Variants in EYS observed in about 807,000 individuals in gnomAD.
EYS encodes the protein EGF-like photoreceptor maintenance factor.
In EYS, 250 loss-of-function variants were observed where a neutral mutation model predicts 282.1. The observed-to-expected ratio is 0.89, with a 90% CI of 0.80 to 0.98. The LOEUF (loss-of-function observed/expected upper bound fraction) is 0.98, where lower values mean the gene tolerates loss of function less well. Among genes scored for constraint, EYS ranks in the 50% least tolerant of loss-of-function variants. The pLI, the probability that EYS is intolerant of heterozygous loss-of-function variation, is 0.00. For missense variants in EYS, 4,016 were observed against 3,709.0 expected (o/e 1.08, Z -2.15); for synonymous variants, 1,355 against 1,282.9 (o/e 1.06, Z -1.20).
chr6:64,768,348 G>T (rs1754493865), intron 22 of EYS, among the ~76,000 whole-genome samples: 1 of 152,194 alleles, frequency 6.6e-6, no homozygotes, highest in African/African-American at 2.4e-5. Context: ...GATTTTTAAT[G>T]TTGCCTTCAT....
chr6:63,947,434 A>G lies in EYS; in HGVS notation c.7055+36949T>C, dbSNP rs191657762. Among the ~76,000 whole-genome samples, 43 of 152,192 alleles carry G rather than the reference A, an allele frequency of 2.8e-4. 1 individual carries two copies. The highest frequency in any genetic ancestry group is 6.8e-3 in the Middle Eastern group (2 of 294). ...ATTATTTTATATTATTACTCCTTAA[A>G]AATGATAAATAATTACTGCTATTAG... On this transcript the variant is annotated intron_variant, in intron 35 of 42. Coordinates refer to ENST00000503581, the MANE Select transcript of EYS (RefSeq NM_001142800.2).
At position 64,612,776 on chromosome 6, in the gene EYS, A is replaced by G. The variant is rs368466314; in HGVS notation, c.3684+4642T>C. On this transcript the variant is annotated intron_variant, in intron 24 of 42. Coordinates refer to ENST00000503581, the MANE Select transcript of EYS (RefSeq NM_001142800.2). ...TCATTAAACAAGAATAACTGTAGTAATATTAATCCTATCTAATCCTGTAAA... is the reference window on the plus strand; with the variant it reads ...TCATTAAACAAGAATAACTGTAGTAGTATTAATCCTATCTAATCCTGTAAA... Among the ~76,000 whole-genome samples, 998 of 152,260 alleles carry G rather than the reference A, an allele frequency of 6.6e-3. 7 individuals carry two copies. Among genetic ancestry groups the G allele is most frequent in the Non-Finnish European group, 0.011 (726 of 67,976 alleles).
intron 31 of EYS, among the ~76,000 whole-genome samples, chr6:64,200,028 A>G (rs1765414395): frequency 6.6e-6 from 1 of 152,198 alleles, no homozygotes; most frequent in South Asian, 2.1e-4. Flanking sequence ...CCACAAAAAG[A>G]CATGGAAGAA....
intron 2 of EYS, among the ~76,000 whole-genome samples, chr6:65,505,794 G>A (rs181119604): frequency 4.5e-4 from 69 of 152,146 alleles, no homozygotes; most frequent in African/African-American, 1.6e-3. Flanking sequence ...GTGCTCAGGT[G>A]TGTTTTATAG....
At chr6:64,287,589 G>C (rs541728351) in intron 30 of EYS, among the ~76,000 whole-genome samples, 1 of 152,012 alleles carries the variant, frequency 6.6e-6, no homozygotes, top group Non-Finnish European at 1.5e-5. Context: ...GTCAACAATA[G>C]AGCAACATGG....
chr6:64,418,259 G>A (rs1457650809), intron 28 of EYS, among the ~76,000 whole-genome samples: 5 of 152,104 alleles, frequency 3.3e-5, no homozygotes, highest in Non-Finnish European at 7.3e-5. Context: ...TTGTGGTATG[G>A]CTATTTAGTT....
rs1768559023 is a variant in EYS at position 65,550,149 on chromosome 6, T to TCATGGCATCTCAAAC, written c.-332-54157_-332-54156insGTTTGAGATGCCATG. 2.7e-3 allele frequency among the ~76,000 whole-genome samples: 39 copies of TCATGGCATCTCAAAC among 14,376 alleles called. 6 individuals carry two copies. The highest frequency in any genetic ancestry group is 5.6e-3 in the African/African-American group (14 of 2,494). The allele number at this position is 14,376 out of a possible 152,430, so 9.4% of individuals were successfully genotyped here. A position where few individuals can be genotyped will look rare whatever the true frequency, so the allele number is the denominator to read the frequency against. ...GTATCTGACTCTACTATATCTTTTT[T>TCATGGCATCTCAAAC]TTTTTTTTTTTTTTTTTTTTTTTTT... On this transcript the variant is annotated intron_variant, in intron 2 of 42. Transcript: ENST00000503581.
intron 19 of EYS, among the ~76,000 whole-genome samples, chr6:64,837,290 T>C (rs1170074308): frequency 6.6e-6 from 1 of 151,404 alleles, no homozygotes; most frequent in Non-Finnish European, 1.5e-5. Flanking sequence ...CTCTTCATAA[T>C]AAAAATCCTC....
intron 26 of EYS, among the ~76,000 whole-genome samples, chr6:64,484,457 C>A (rs1043642255): frequency 8.6e-5 from 13 of 151,532 alleles, no homozygotes; most frequent in Non-Finnish European, 1.8e-4. Flanking sequence ...ATGAAGGGCC[C>A]ACTCCAACGC....
intron 31 of EYS, among the ~76,000 whole-genome samples, chr6:64,090,452 G>C (rs1345374568): frequency 6.6e-6 from 1 of 151,946 alleles, no homozygotes. Flanking sequence ...TTTCAATATA[G>C]AATTGATAAT....
intron 5 of EYS, among the ~76,000 whole-genome samples, chr6:65,420,289 T>C (rs926600087): frequency 1.3e-5 from 2 of 152,006 alleles, no homozygotes; most frequent in Non-Finnish European, 2.9e-5. Flanking sequence ...AATCTTTTGT[T>C]GTAACTTCAA....
intron 33 of EYS, among the ~76,000 whole-genome samples, chr6:64,015,224 A>G (rs548659966): frequency 2.4e-4 from 37 of 152,306 alleles, no homozygotes; most frequent in African/African-American, 8.4e-4. Flanking sequence ...TACACTAAAC[A>G]TTTTGGAATT....
At chr6:63,890,921 A>G (rs1016552292) in intron 35 of EYS, among the ~76,000 whole-genome samples, 1 of 152,256 alleles carries the variant, frequency 6.6e-6, no homozygotes, top group Non-Finnish European at 1.5e-5. Flanking sequence ...CACTGATCCC[A>G]CAGAAATACA....
intron 24 of EYS, among the ~76,000 whole-genome samples, chr6:64,608,706 C>A (rs967189757): frequency 7.2e-5 from 11 of 152,016 alleles, no homozygotes; most frequent in Non-Finnish European, 1.2e-4. Context: ...TACATCTGGA[C>A]AATGGAACAT....
At chr6:63,775,550 C>A (rs1434787225) in intron 40 of EYS, among the ~76,000 whole-genome samples, 1 of 152,034 alleles carries the variant, frequency 6.6e-6, no homozygotes, top group African/African-American at 2.4e-5. Context: ...TATAAGGCTA[C>A]CTAGAAATTC....
chr6:64,899,603 C>T (rs1004488328), intron 18 of EYS, among the ~76,000 whole-genome samples: 10 of 151,978 alleles, frequency 6.6e-5, no homozygotes, highest in African/African-American at 2.2e-4. Flanking sequence ...GACAGAGAAC[C>T]AAATCATGAG....
chr6:64,224,608 G>T (rs1766201738), intron 31 of EYS, among the ~76,000 whole-genome samples: 1 of 151,876 alleles, frequency 6.6e-6, no homozygotes, highest in Admixed American at 6.6e-5. Flanking sequence ...TACCATTTAA[G>T]ATAATATTTT....
Position 65,346,253 on chromosome 6 carries a change from C to T in EYS, c.1460-2076G>A, listed in dbSNP as rs1227302530. ...TTCCTCTCCGTTAAATATGATCACC[C>T]CACATTTGGCAGAAAGACTCCAAAC... On this transcript the variant is annotated intron_variant, in intron 9 of 42. Coordinates refer to ENST00000503581, the MANE Select transcript of EYS (RefSeq NM_001142800.2). Among the ~76,000 whole-genome samples, 5 of 151,462 alleles carry T rather than the reference C, an allele frequency of 3.3e-5. No homozygotes were observed. The Admixed American group carries it at 3.3e-4, about 10-fold the overall frequency.
At chr6:65,223,368 A>G (rs975652921) in intron 12 of EYS, among the ~76,000 whole-genome samples, 4 of 152,152 alleles carry the variant, frequency 2.6e-5, no homozygotes, top group Non-Finnish European at 5.9e-5. Flanking sequence ...CTCCATCTCC[A>G]ATAACAACAA....
Sources: gnomAD v4.1 joint callset for allele counts (sites outside exome capture counted in the v4.1 genomes callset) on GRCh38, gnomAD v4.1.1 for gene constraint, MANE v1.5 for transcripts, NCBI Gene and HGNC (gene_info 2026-07-23, HGNC 2026-07-21) for gene names.